PPM1L: variants seen among roughly 807,000 people sequenced by gnomAD.
PPM1L encodes the protein protein phosphatase, Mg2+/Mn2+ dependent 1L.
A neutral mutation model predicts 31.4 loss-of-function variants in PPM1L; 13 were observed. The observed-to-expected ratio is 0.41, with a 90% CI of 0.27 to 0.66. The LOEUF is 0.66. Ranked by LOEUF, PPM1L falls within the 30% of genes least tolerant of loss-of-function variation. PPM1L has a pLI of 0.29. For synonymous variants in PPM1L, 184 were observed against 175.4 expected (o/e 1.05, Z -0.39); for missense variants, 326 against 453.7 (o/e 0.72, Z 2.56).
chr3:160,958,351 G>A (rs986485213), intron 1 of PPM1L, among the ~76,000 whole-genome samples: 1 of 152,064 alleles, frequency 6.6e-6, no homozygotes, highest in African/African-American at 2.4e-5. Context: ...GTAAGGAAGG[G>A]GTCCAGTTTC....
chr3:161,065,285 T>A, intron 2 of PPM1L, 118 bp from the exon 3 acceptor site: 2 of 915,956 alleles, frequency 2.2e-6, no homozygotes, highest in East Asian at 2.5e-5. Context: ...GTGGCTGGAG[T>A]CAAATTCTCA....
chr3:161,052,620 G>A (rs1719309856), intron 2 of PPM1L, among the ~76,000 whole-genome samples: 1 of 152,070 alleles, frequency 6.6e-6, no homozygotes, highest in Admixed American at 6.6e-5. Context: ...AATGGAAGAG[G>A]GTCATATACA....
At chr3:160,766,136 G>T (rs908809791) in intron 1 of PPM1L, among the ~76,000 whole-genome samples, 1 of 152,024 alleles carries the variant, frequency 6.6e-6, no homozygotes, top group African/African-American at 2.4e-5. Context: ...TTATAGCTTT[G>T]TTTTATAGTT....
chr3:160,991,818 C>T (rs1220930369), intron 2 of PPM1L, among the ~76,000 whole-genome samples: 1 of 152,166 alleles, frequency 6.6e-6, no homozygotes, highest in Non-Finnish European at 1.5e-5. Flanking sequence ...ATACTGCATT[C>T]TGTATACATA....
At chr3:161,047,955 T>G (rs1719136663) in intron 2 of PPM1L, among the ~76,000 whole-genome samples, 1 of 152,188 alleles carries the variant, frequency 6.6e-6, no homozygotes, top group Non-Finnish European at 1.5e-5. Context: ...ATTAAAGACT[T>G]AAATGTTAGA....
At chr3:160,930,419 G>C (rs115641123) in intron 1 of PPM1L, among the ~76,000 whole-genome samples, 3 of 152,160 alleles carry the variant, frequency 2.0e-5, no homozygotes, top group African/African-American at 4.8e-5. Context: ...AGAGATTTAT[G>C]GGGGCTAGCC....
At chr3:160,830,274 C>T (rs1560119036) in intron 1 of PPM1L, among the ~76,000 whole-genome samples, 2 of 152,112 alleles carry the variant, frequency 1.3e-5, no homozygotes, top group African/African-American at 4.8e-5. Context: ...TCATTTAATC[C>T]ACTAATAATC....
At chr3:160,995,647 A>T (rs776218030) in intron 2 of PPM1L, among the ~76,000 whole-genome samples, 5 of 152,174 alleles carry the variant, frequency 3.3e-5, no homozygotes, top group Non-Finnish European at 5.9e-5. Context: ...TTAAGATGGA[A>T]GAGATGATGG....
At chr3:160,897,428 G>T (rs1713377997) in intron 1 of PPM1L, among the ~76,000 whole-genome samples, 1 of 152,098 alleles carries the variant, frequency 6.6e-6, no homozygotes, top group South Asian at 2.1e-4. Context: ...ACTTTTCTTA[G>T]TCTTCTGCCA....
chr3:160,782,255 C>G (rs1327601771), intron 1 of PPM1L, among the ~76,000 whole-genome samples: 2 of 152,040 alleles, frequency 1.3e-5, no homozygotes, highest in African/African-American at 4.8e-5. Context: ...GTTGTTTGAC[C>G]TTTCGCGTAT....
chr3:160,829,656 C>T (rs1713460240), intron 1 of PPM1L, among the ~76,000 whole-genome samples: 2 of 152,156 alleles, frequency 1.3e-5, no homozygotes, highest in South Asian at 4.1e-4. Flanking sequence ...ACTCCCTTCT[C>T]ATCCTGCAGG....
chr3:160,923,812 G>A (rs1254677220), intron 1 of PPM1L, among the ~76,000 whole-genome samples: 3 of 152,168 alleles, frequency 2.0e-5, no homozygotes, highest in Admixed American at 2.0e-4. Context: ...ATGTGGCGGT[G>A]CATTTGAAGC....
intron 1 of PPM1L, among the ~76,000 whole-genome samples, chr3:160,903,551 G>A (rs547167327): frequency 2.6e-5 from 4 of 152,116 alleles, no homozygotes; most frequent in South Asian, 4.2e-4. Context: ...ACTGATCACC[G>A]TAGCCTTACC....
At chr3:160,893,360 T>C (rs1713218915) in intron 1 of PPM1L, among the ~76,000 whole-genome samples, 1 of 152,180 alleles carries the variant, frequency 6.6e-6, no homozygotes, top group African/African-American at 2.4e-5. Flanking sequence ...GAATAGTATA[T>C]AGTGAACATC....
chr3:160,808,416 T>TGTGTGCGTGC lies in PPM1L; in HGVS notation c.399+51714_399+51715insCGTGCGTGTG, dbSNP rs1553808364. Among the ~76,000 whole-genome samples the TGTGTGCGTGC allele has an allele frequency of 3.9e-4, 50 of 129,304 alleles. 6 individuals are homozygous for TGTGTGCGTGC. The highest frequency in any genetic ancestry group is 1.6e-3 in the African/African-American group (49 of 31,218). 84.8% of individuals were successfully genotyped at this position (129,304 alleles called of 152,430 possible). Reference sequence around the variant, plus strand: ...GTGTGTGTGTGTGTGTGTGTGTGTGTGTGTGTGGTGGGTGAGGGAAGCTGG... The same window carrying TGTGTGCGTGC: ...GTGTGTGTGTGTGTGTGTGTGTGTGTGTGTGCGTGCGTGTGTGGTGGGTGAGGGAAGCTGG... On this transcript the variant is annotated intron_variant, in intron 1 of 3. Transcript: ENST00000498165.
At chr3:160,897,410 C>A (rs771474062) in intron 1 of PPM1L, among the ~76,000 whole-genome samples, 3 of 152,122 alleles carry the variant, frequency 2.0e-5, no homozygotes, top group Non-Finnish European at 4.4e-5. Flanking sequence ...ACTAGGTGGT[C>A]CCCCTTCACT....
chr3:160,819,445 A>C lies in PPM1L; in HGVS notation c.399+62738A>C, dbSNP rs548185187. 7.2e-5 allele frequency among the ~76,000 whole-genome samples: 11 copies of C among 152,132 alleles called. No homozygotes were observed. The South Asian group carries it at 2.3e-3, about 32-fold the overall frequency. ...TTTCCTGTGGACAAATGAAGCCTGC[A>C]CTACAGATACAATGATAATGTCAGT... On this transcript the variant is annotated intron_variant, in intron 1 of 3. Coordinates refer to ENST00000498165, the MANE Select transcript of PPM1L (RefSeq NM_139245.4).
chr3:160,914,836 C>A (rs1714104405), intron 1 of PPM1L, among the ~76,000 whole-genome samples: 1 of 152,194 alleles, frequency 6.6e-6, no homozygotes, highest in South Asian at 2.1e-4. Context: ...AATGGTATTT[C>A]TAGTTCTAGA....
chr3:161,021,055 T>G (rs1241905136), intron 2 of PPM1L, among the ~76,000 whole-genome samples: 1 of 151,982 alleles, frequency 6.6e-6, no homozygotes, highest in African/African-American at 2.4e-5. Context: ...GTATCATTTA[T>G]TTATGCTCTA....
Sources: gnomAD v4.1 joint callset for allele counts (sites outside exome capture counted in the v4.1 genomes callset) on GRCh38, gnomAD v4.1.1 for gene constraint, MANE v1.5 for transcripts, NCBI Gene and HGNC (gene_info 2026-07-23, HGNC 2026-07-21) for gene names.